The following RBPJ variants were observed in gnomAD, a reference collection of about 807,000 sequenced individuals.
RBPJ encodes recombining binding protein suppressor of hairless.
Under a neutral mutation model 67.8 loss-of-function variants are expected in RBPJ, and 9 were observed. The observed-to-expected ratio is 0.13, with a 90% CI of 0.08 to 0.23. RBPJ has a LOEUF of 0.23. Ranked by LOEUF, RBPJ falls within the 10% of genes least tolerant of loss-of-function variation. The pLI is 1.00. For synonymous variants in RBPJ, 198 were observed against 203.3 expected (o/e 0.97, Z 0.22); for missense variants, 305 against 595.6 (o/e 0.51, Z 5.08).
At chr4:26,261,812 A>AG (rs1175791818) in intron 1 of RBPJ, among the ~76,000 whole-genome samples, 1 of 152,272 alleles carries the variant, frequency 6.6e-6, no homozygotes, top group Non-Finnish European at 1.5e-5. Flanking sequence ...TTTAGCCAGA[A>AG]GTTCAAAAAC....
chr4:26,209,410 G>A (rs1036477690), intron 1 of RBPJ, among the ~76,000 whole-genome samples: 3 of 152,086 alleles, frequency 2.0e-5, no homozygotes, highest in Non-Finnish European at 2.9e-5. Context: ...AGTAAGTAAT[G>A]CAGCAATTAC....
At chr4:26,360,234 A>G (rs911625886) in intron 1 of RBPJ, among the ~76,000 whole-genome samples, 2 of 152,200 alleles carry the variant, frequency 1.3e-5, no homozygotes, top group Non-Finnish European at 2.9e-5. Context: ...TCTTAATATC[A>G]TTTAGCGGTG....
At chr4:26,161,907 C>T (rs1454513528), upstream of RBPJ, among the ~76,000 whole-genome samples, 1 of 152,234 alleles carries the variant, frequency 6.6e-6, no homozygotes, top group African/African-American at 2.4e-5. Flanking sequence ...CAGTGCATAG[C>T]ACTTCCCTCT....
rs192639428 is a variant in RBPJ at position 26,208,100 on chromosome 4, C to T, written c.-167+44486C>T. On this transcript the variant is annotated intron_variant, in intron 1 of 4. Transcript: ENST00000512351. The stretch of plus-strand genomic sequence containing the variant: ...AGATCTGGCAGGACTGGGCTTCAAG[C>T]GCAACAGAATAATAGCAACAGTGTT... Among the ~76,000 whole-genome samples, 488 of 152,310 alleles carry T rather than the reference C, an allele frequency of 3.2e-3. 2 individuals are homozygous for T. Among genetic ancestry groups the T allele is most frequent in the Non-Finnish European group, 5.5e-3 (377 of 68,036 alleles).
intron 1 of RBPJ, among the ~76,000 whole-genome samples, chr4:26,304,551 G>T (rs144807674): frequency 6.4e-4 from 98 of 152,232 alleles, no homozygotes; most frequent in Non-Finnish European, 1.2e-3. Context: ...GGTGAGAAAT[G>T]GTATCTCATT....
At chr4:26,164,999 A>G (rs1035239598) in intron 1 of RBPJ, among the ~76,000 whole-genome samples, 1 of 152,226 alleles carries the variant, frequency 6.6e-6, no homozygotes, top group Non-Finnish European at 1.5e-5. Context: ...AAATACATAT[A>G]GTGTAGTATT....
At chr4:26,160,717 G>T (rs1560192071), upstream of RBPJ, among the ~76,000 whole-genome samples, 1 of 151,878 alleles carries the variant, frequency 6.6e-6, no homozygotes, top group Non-Finnish European at 1.5e-5. Context: ...GAGTGTGGGT[G>T]AATCAGGCAC....
intron 1 of RBPJ, chr4:26,368,267 C>G (rs898063505): frequency 6.6e-6 from 1 of 152,072 alleles, no homozygotes; most frequent in Non-Finnish European, 1.5e-5. Flanking sequence ...TCATTTTTTT[C>G]TGTTGCTTTG....
chr4:26,431,446 A>G lies in RBPJ; in HGVS notation c.*439A>G, dbSNP rs1270461694. 1 of 161,940 alleles carries G rather than the reference A, an allele frequency of 6.2e-6. No homozygotes were observed. The highest frequency in any genetic ancestry group is 1.4e-5 in the Non-Finnish European group (1 of 73,814). The allele number at this position is 161,940 out of a possible 1,614,324, so 10.0% of individuals were successfully genotyped here. A position where few individuals can be genotyped will look rare whatever the true frequency, so the allele number is the denominator to read the frequency against. On this transcript the variant is annotated 3_prime_UTR_variant, in exon 11 of 11. Transcript: ENST00000355476. ...ACATTTTCACCATACCTTTTTTTATATCACGGTATTATAGTACACCTTGTT... is the reference window on the plus strand; with the variant it reads ...ACATTTTCACCATACCTTTTTTTATGTCACGGTATTATAGTACACCTTGTT...
chr4:26,263,249 C>A (rs1720596981), intron 1 of RBPJ, among the ~76,000 whole-genome samples: 1 of 152,160 alleles, frequency 6.6e-6, no homozygotes, highest in South Asian at 2.1e-4. Context: ...GTTGTCAGAG[C>A]CACTTTCATC....
chr4:26,173,896 C>G (rs543096401), intron 1 of RBPJ, among the ~76,000 whole-genome samples: 1 of 152,266 alleles, frequency 6.6e-6, no homozygotes, highest in South Asian at 2.1e-4. Flanking sequence ...AGCTAAGAGA[C>G]AACGTGATAA....
At chr4:26,420,929 A>C in intron 5 of RBPJ, 1 of 501,848 alleles carries the variant, frequency 2.0e-6, no homozygotes, top group Non-Finnish European at 3.5e-6. Flanking sequence ...TTGGTTCCTT[A>C]ATGCTCCCAG....
the RBPJ span, among the ~76,000 whole-genome samples, chr4:26,139,123 A>G: frequency 1.4e-5 from 2 of 147,430 alleles, no homozygotes; most frequent in Non-Finnish European, 3.0e-5. Flanking sequence ...TGCCCAAGGC[A>G]TAAGCTCACA....
intron 1 of RBPJ, among the ~76,000 whole-genome samples, chr4:26,328,160 A>G (rs1723849647): frequency 1.3e-5 from 2 of 151,782 alleles, no homozygotes; most frequent in Non-Finnish European, 2.9e-5. Flanking sequence ...AAAATTACCT[A>G]GATCTGTACA....
Position 26,208,286 on chromosome 4 carries a change from G to C in RBPJ, c.-167+44672G>C, listed in dbSNP as rs552984693. 9.9e-5 allele frequency among the ~76,000 whole-genome samples: 15 copies of C among 152,272 alleles called. No homozygotes were observed. In the South Asian group the frequency reaches 3.1e-3, roughly 32 times the overall value. ...CAGAGTGGTTGAGTCATTTACCTAAGTTCCCACTGATAAAAAGTGCAGAAG... is the reference window on the plus strand; with the variant it reads ...CAGAGTGGTTGAGTCATTTACCTAACTTCCCACTGATAAAAAGTGCAGAAG... On this transcript the variant is annotated intron_variant, in intron 1 of 4. Transcript: ENST00000512351.
chr4:26,348,555 AAT>A (rs1397013636), intron 1 of RBPJ, among the ~76,000 whole-genome samples: 1 of 152,204 alleles, frequency 6.6e-6, no homozygotes, highest in East Asian at 1.9e-4. Flanking sequence ...CATGTACCCC[AAT>A]ATATGTGATT....
chr4:26,241,603 C>T (rs989520922), intron 1 of RBPJ, among the ~76,000 whole-genome samples: 18 of 152,086 alleles, frequency 1.2e-4, no homozygotes, highest in Non-Finnish European at 2.5e-4. Flanking sequence ...CCTCTGCCTC[C>T]CGGGTTCATG....
At chr4:26,121,750 T>A in the RBPJ span, among the ~76,000 whole-genome samples, 1 of 152,064 alleles carries the variant, frequency 6.6e-6, no homozygotes, top group African/African-American at 2.4e-5. Flanking sequence ...TTAACAATAA[T>A]CAAGTAGCAT....
intron 1 of RBPJ, among the ~76,000 whole-genome samples, chr4:26,258,328 T>C (rs2109246941): frequency 6.6e-6 from 1 of 152,372 alleles, no homozygotes; most frequent in African/African-American, 2.4e-5. Flanking sequence ...TCTTCACCTC[T>C]GTATTTTCCA....
Sources: gnomAD v4.1 joint callset for allele counts (sites outside exome capture counted in the v4.1 genomes callset) on GRCh38, gnomAD v4.1.1 for gene constraint, MANE v1.5 for transcripts, NCBI Gene and HGNC (gene_info 2026-07-23, HGNC 2026-07-21) for gene names.